Variants in URB1 observed in about 807,000 individuals in gnomAD.
The protein encoded by URB1 is nucleolar pre-ribosomal-associated protein 1.
Under a neutral mutation model 242.3 loss-of-function variants are expected in URB1, and 197 were observed. That is an observed-to-expected ratio of 0.81 (90% CI 0.72 to 0.91). The LOEUF (loss-of-function observed/expected upper bound fraction) is 0.91. URB1 is among the 40% of genes least tolerant of loss of function. The pLI, the probability that URB1 is intolerant of heterozygous loss-of-function variation, is 0.00. For synonymous variants in URB1, 1,153 were observed against 1,201.8 expected, an observed-to-expected ratio of 0.96 and a Z score of 0.84; for missense variants, 2,721 against 2,860.5, an observed-to-expected ratio of 0.95 and a Z score of 1.11.
intron 36 of URB1, 34 bp downstream of exon 36, chr21:32,319,183 C>A (rs1250100788): frequency 3.3e-6 from 5 of 1,531,172 alleles, no homozygotes; most frequent in South Asian, 1.2e-5. Context: ...ATCCAAGAGG[C>A]CAGAAGGGCC....
chr21:32,376,557 T>A (rs2033460853), intron 5 of URB1, among the ~76,000 whole-genome samples: 1 of 98,870 alleles, frequency 1.0e-5, no homozygotes, highest in South Asian at 3.3e-4. Context: ...TCTATTTGAG[T>A]AAAATGAGAT....
chr21:32,314,875 C>A lies in URB1; in HGVS notation c.*43G>T. 6.5e-7 allele frequency: 1 copy of A among 1,532,462 alleles called. No homozygotes were observed. Among genetic ancestry groups the A allele is most frequent in the South Asian group, 1.2e-5 (1 of 81,664 alleles). The allele number at this position is 1,532,462 out of a possible 1,614,324, so 94.9% of individuals were successfully genotyped here. The stretch of plus-strand genomic sequence containing the variant: ...AACTTCTAGAAGCTGGTGCTGTGCT[C>A]GAGGCTCTGGTCATCAGGGTGCAAG... On this transcript the variant is annotated 3_prime_UTR_variant, in exon 39 of 39. Coordinates refer to ENST00000382751, the MANE Select transcript of URB1 (RefSeq NM_014825.3).
intron 5 of URB1, among the ~76,000 whole-genome samples, chr21:32,376,875 G>A (rs2123616840): frequency 6.6e-6 from 1 of 152,118 alleles, no homozygotes; most frequent in South Asian, 2.1e-4. Flanking sequence ...GTCCAGGATG[G>A]TCTCAAGAAC....
intron 13 of URB1, 71 bp from the exon 14 acceptor site, chr21:32,359,979 C>T: frequency 7.2e-7 from 1 of 1,388,534 alleles, no homozygotes; most frequent in East Asian, 2.5e-5. Context: ...CTGCCCTGGC[C>T]AGAAGGACAA....
chr21:32,355,393 G>A, intron 16 of URB1, 56 bp downstream of exon 16: 1 of 1,483,756 alleles, frequency 6.7e-7, no homozygotes, highest in Admixed American at 2.0e-5. Flanking sequence ...ATGACGCTAA[G>A]AAGTTAATAT....
intron 19 of URB1, among the ~76,000 whole-genome samples, chr21:32,351,826 G>C (rs1483645262): frequency 6.6e-6 from 1 of 152,210 alleles, no homozygotes; most frequent in Non-Finnish European, 1.5e-5. Context: ...GTGGGGGAAG[G>C]TGGCAACATT....
intron 30 of URB1, chr21:32,333,066 A>G (rs1332136981): frequency 2.1e-6 from 1 of 467,264 alleles, no homozygotes; most frequent in African/African-American, 2.0e-5. Context: ...GGAAAACATC[A>G]AAGACAATTG....
At chr21:32,359,726 C>T (rs1769668099) in intron 14 of URB1, 70 bp downstream of exon 14, 2 of 1,365,880 alleles carry the variant, frequency 1.5e-6, no homozygotes, top group Admixed American at 5.8e-5. Flanking sequence ...ATTAGCAATT[C>T]ATCAGGCCAA....
intron 10 of URB1, among the ~76,000 whole-genome samples, chr21:32,365,432 C>G (rs912709339): frequency 6.6e-6 from 1 of 150,464 alleles, no homozygotes; most frequent in South Asian, 2.1e-4. Context: ...GCCTAGGCAA[C>G]AGAACAAGAC....
At chr21:32,337,273 C>T (rs2032971066) in intron 27 of URB1, 116 bp from the exon 28 acceptor site, 3 of 1,338,834 alleles carry the variant, frequency 2.2e-6, no homozygotes, top group South Asian at 1.3e-5. Context: ...ATATCTTCAC[C>T]CTGCTTGCAC....
chr21:32,343,194 T>G (rs954877601), intron 24 of URB1, among the ~76,000 whole-genome samples: 5 of 152,146 alleles, frequency 3.3e-5, no homozygotes, highest in Middle Eastern at 3.2e-3. Context: ...GTTTTTTTTT[T>G]GTTTTCTTCT....
At position 32,352,954 on chromosome 21, in the gene URB1, C is replaced by T. The variant is rs1315878382; in HGVS notation, c.2417-48G>A. The T allele has an allele frequency of 3.4e-6, 5 of 1,485,418 alleles. No homozygotes were observed. The African/African-American group carries it at 7.0e-5, about 21-fold the overall frequency. 92.0% of individuals were successfully genotyped at this position (1,485,418 alleles called of 1,614,324 possible). A position where few individuals can be genotyped will look rare whatever the true frequency, so the allele number is the denominator to read the frequency against. ...TGGGAAGAGGCTGGCTGGGCCCACC[C>T]TTCTGTGACCTACCAACACCACCTT... On this transcript the variant is annotated intron_variant, in intron 18 of 38. Transcript: ENST00000382751.
At chr21:32,359,945 A>G (rs1231768033) in intron 13 of URB1, 37 bp from the exon 14 acceptor site, 1 of 1,539,652 alleles carries the variant, frequency 6.5e-7, no homozygotes, top group Non-Finnish European at 8.8e-7. Flanking sequence ...AAAAAGTCAC[A>G]TGGACGTGGG....
At chr21:32,322,048 C>T in intron 33 of URB1, 104 bp from the exon 34 acceptor site, 2 of 1,342,878 alleles carry the variant, frequency 1.5e-6, no homozygotes, top group Non-Finnish European at 2.0e-6. Flanking sequence ...AGTTGTAACA[C>T]AGCAGCCCTG....
chr21:32,345,482 A>G lies in URB1; in HGVS notation c.3962T>C (p.Leu1321Pro). The change falls in exon 23 of 39, where the codon CTG (leucine) becomes CCG (proline). Residue 1321 changes from leucine to proline, a missense_variant. Transcript: ENST00000382751. ...CAGCTGTGCCAGGATCTCCTGGTACAGCCCAGATGCTGGGGGACTGTCAGT... is the reference window on the plus strand; with the variant it reads ...CAGCTGTGCCAGGATCTCCTGGTACGGCCCAGATGCTGGGGGACTGTCAGT... The part of the protein sequence containing the change: ...LSTDSPPASG[L>P]YQEILAQLVP... 1 of 1,551,644 alleles carries G rather than the reference A, an allele frequency of 6.4e-7. No individual in the cohort carries two copies. The highest frequency in any genetic ancestry group is 8.7e-7 in the Non-Finnish European group (1 of 1,146,948).
At chr21:32,379,427 C>G (rs2033496742) in intron 4 of URB1, among the ~76,000 whole-genome samples, 1 of 152,206 alleles carries the variant, frequency 6.6e-6, no homozygotes. Context: ...GTTAATATCA[C>G]AACAAGTCAC....
At chr21:32,384,118 G>A (rs1394758473) in intron 3 of URB1, among the ~76,000 whole-genome samples, 195 bp downstream of exon 3, 1 of 152,190 alleles carries the variant, frequency 6.6e-6, no homozygotes, top group Non-Finnish European at 1.5e-5. Flanking sequence ...AGGGACAAGG[G>A]GTAAGTAAGA....
intron 4 of URB1, among the ~76,000 whole-genome samples, chr21:32,380,754 C>T (rs2033513987): frequency 6.6e-6 from 1 of 152,180 alleles, no homozygotes; most frequent in Non-Finnish European, 1.5e-5. Flanking sequence ...TAAAACTTGC[C>T]TGGCAAAATT....
intron 8 of URB1, among the ~76,000 whole-genome samples, chr21:32,369,559 A>C (rs1171597416): frequency 1.3e-5 from 2 of 152,160 alleles, no homozygotes; most frequent in African/African-American, 4.8e-5. Flanking sequence ...TCCTGGGTTC[A>C]AGTGACCCTC....
Sources: allele counts gnomAD v4.1 joint callset (sites outside exome capture counted in the v4.1 genomes callset), GRCh38; gene constraint gnomAD v4.1.1; transcripts MANE v1.5; gene names NCBI Gene and HGNC (gene_info 2026-07-23, HGNC 2026-07-21).